ARHGAP28: variants seen among roughly 807,000 people sequenced by gnomAD.
ARHGAP28 encodes Rho GTPase activating protein 28.
In ARHGAP28, 56 loss-of-function variants were observed where a neutral mutation model predicts 90.7. The observed-to-expected ratio is 0.62, with a 90% CI of 0.50 to 0.77. The LOEUF (loss-of-function observed/expected upper bound fraction) is 0.77, where lower values mean the gene tolerates loss of function less well. ARHGAP28 is among the 30% of genes least tolerant of loss of function. The pLI is 0.00. For synonymous variants in ARHGAP28, 308 were observed against 323.3 expected (o/e 0.95, Z 0.51); for missense variants, 869 against 900.9 (o/e 0.96, Z 0.45).
chr18:6,909,976 G>A (rs958967104), intron 17 of ARHGAP28, among the ~76,000 whole-genome samples: 2 of 152,024 alleles, frequency 1.3e-5, no homozygotes, highest in Non-Finnish European at 2.9e-5. Flanking sequence ...CCCCCTTTAA[G>A]TCTACTCCCA....
intron 1 of ARHGAP28, among the ~76,000 whole-genome samples, chr18:6,818,625 A>G (rs931694473): frequency 1.3e-5 from 2 of 152,190 alleles, no homozygotes; most frequent in Non-Finnish European, 2.9e-5. Context: ...ATGCTACATT[A>G]GAGTGGCCTG....
At chr18:6,756,100 T>C (rs566874825) in intron 1 of ARHGAP28, among the ~76,000 whole-genome samples, 15 of 152,342 alleles carry the variant, frequency 9.8e-5, no homozygotes, top group Non-Finnish European at 7.3e-5. Flanking sequence ...CCACAGTGGC[T>C]GTTTCCTCCC....
At chr18:6,880,605 C>T (rs959947729) in intron 10 of ARHGAP28, among the ~76,000 whole-genome samples, 1 of 152,186 alleles carries the variant, frequency 6.6e-6, no homozygotes, top group African/African-American at 2.4e-5. Flanking sequence ...TGTTCCTTGC[C>T]CTAGATGCGC....
At chr18:6,851,236 C>A in intron 4 of ARHGAP28, 110 bp downstream of exon 4, 1 of 941,346 alleles carries the variant, frequency 1.1e-6, no homozygotes, top group Non-Finnish European at 1.6e-6. Context: ...GCTGGACAAC[C>A]ACAGATTTCA....
Position 6,791,959 on chromosome 18 carries a change from C to T in ARHGAP28, c.123-32803C>T, listed in dbSNP as rs113217514. 1.7e-3 allele frequency among the ~76,000 whole-genome samples: 258 copies of T among 151,994 alleles called. 1 individual carries two copies. The highest frequency in any genetic ancestry group is 6.0e-3 in the African/African-American group (247 of 41,436). On this transcript the variant is annotated intron_variant, in intron 1 of 17. Transcript: ENST00000383472. ...GATTACAGGCACCCACCACCATGCCCGGCTAATTTTTGTATTTTTAGTAGA... is the reference window on the plus strand; with the variant it reads ...GATTACAGGCACCCACCACCATGCCTGGCTAATTTTTGTATTTTTAGTAGA...
At chr18:6,853,541 C>T (rs983724593) in intron 4 of ARHGAP28, among the ~76,000 whole-genome samples, 9 of 151,202 alleles carry the variant, frequency 6.0e-5, no homozygotes, top group East Asian at 3.9e-4. Flanking sequence ...GACGTGATCT[C>T]GGCTAACTGC....
chr18:6,873,815 C>T (rs2057109420), intron 9 of ARHGAP28, 40 bp downstream of exon 9: 1 of 1,538,298 alleles, frequency 6.5e-7, no homozygotes, highest in African/African-American at 1.4e-5. Context: ...CACAGAGCCT[C>T]ATGCTTATGA....
At chr18:6,845,479 G>C (rs1256128226) in intron 3 of ARHGAP28, among the ~76,000 whole-genome samples, 1 of 152,128 alleles carries the variant, frequency 6.6e-6, no homozygotes, top group East Asian at 1.9e-4. Context: ...TGTTACCTAG[G>C]TAAACATGTG....
intron 11 of ARHGAP28, among the ~76,000 whole-genome samples, chr18:6,882,884 A>G (rs770117153): frequency 2.6e-5 from 4 of 152,232 alleles, no homozygotes; most frequent in East Asian, 3.8e-4. Flanking sequence ...CACAAAAATT[A>G]TAAAGTGTGT....
rs1256842097 is a variant in ARHGAP28 at position 6,770,205 on chromosome 18, A to G, written c.122+40262A>G. Among the ~76,000 whole-genome samples, 3 of 152,138 alleles carry G rather than the reference A, an allele frequency of 2.0e-5. No individual in the cohort carries two copies. The South Asian group carries it at 6.2e-4, about 32-fold the overall frequency. On this transcript the variant is annotated intron_variant, in intron 1 of 17. Coordinates refer to ENST00000383472, the MANE Select transcript of ARHGAP28 (RefSeq NM_001366230.1). ...GACATAAATGATCTTCTCTTACAAG[A>G]CTGATTTTTGTGTTTTCTGTAGCAT...
chr18:6,862,139 G>A (rs1272692468), intron 5 of ARHGAP28, among the ~76,000 whole-genome samples: 1 of 152,154 alleles, frequency 6.6e-6, no homozygotes, highest in Non-Finnish European at 1.5e-5. Flanking sequence ...GTGGCTCACT[G>A]ATGCCAAGTT....
intron 1 of ARHGAP28, among the ~76,000 whole-genome samples, chr18:6,736,759 C>CA (rs2055932150): frequency 7.6e-6 from 1 of 131,270 alleles, no homozygotes. Flanking sequence ...AAAAAAAAAA[C>CA]AAAAAACAGA....
Position 6,829,666 on chromosome 18 carries a change from C to T in ARHGAP28, c.325+4702C>T, listed in dbSNP as rs372279097. Reference sequence around the variant, plus strand: ...TGCTTTTTCCCAGTCTCATGCCTCCCAATGACTTGCCAACCCTGGCCAGAG... The same window carrying T: ...TGCTTTTTCCCAGTCTCATGCCTCCTAATGACTTGCCAACCCTGGCCAGAG... On this transcript the variant is annotated intron_variant, in intron 2 of 17. Coordinates refer to ENST00000383472, the MANE Select transcript of ARHGAP28 (RefSeq NM_001366230.1). 1.2e-4 allele frequency among the ~76,000 whole-genome samples: 18 copies of T among 152,366 alleles called. No homozygotes were observed. The East Asian group carries it at 2.7e-3, about 23-fold the overall frequency.
chr18:6,760,080 T>C (rs2056146207), intron 1 of ARHGAP28, among the ~76,000 whole-genome samples: 1 of 152,212 alleles, frequency 6.6e-6, no homozygotes, highest in African/African-American at 2.4e-5. Context: ...CATGGAATTA[T>C]ATCCTAACTA....
chr18:6,841,194 T>C (rs1419601821), intron 3 of ARHGAP28, among the ~76,000 whole-genome samples: 1 of 64,190 alleles, frequency 1.6e-5, no homozygotes. Context: ...TCTCTCTCTC[T>C]CTCTCTCTCC....
At chr18:6,870,843 C>CT (rs2057079495) in intron 7 of ARHGAP28, 111 bp downstream of exon 7, 3 of 1,201,730 alleles carry the variant, frequency 2.5e-6, no homozygotes, top group Non-Finnish European at 3.4e-6. Context: ...TCTATTGCCC[C>CT]AGGCTGGAGT....
intron 1 of ARHGAP28, among the ~76,000 whole-genome samples, chr18:6,762,354 AGGCTTTACAT>A (rs1399419171): frequency 6.6e-6 from 1 of 152,212 alleles, no homozygotes; most frequent in African/African-American, 2.4e-5. Context: ...CCACCTTATA[AGGCTTTACAT>A]GGCCTGGTTT....
intron 3 of ARHGAP28, chr18:6,850,685 A>C: frequency 5.3e-6 from 4 of 756,774 alleles, no homozygotes; most frequent in Non-Finnish European, 8.2e-6. Flanking sequence ...ATCTTACTGG[A>C]TGGAACCATC....
At chr18:6,864,220 C>A (rs976826343) in intron 5 of ARHGAP28, among the ~76,000 whole-genome samples, 11 of 152,076 alleles carry the variant, frequency 7.2e-5, no homozygotes, top group African/African-American at 2.7e-4. Context: ...CGCACACCAC[C>A]ATGCCTGGCT....
Sources: allele counts gnomAD v4.1 joint callset (sites outside exome capture counted in the v4.1 genomes callset), GRCh38; gene constraint gnomAD v4.1.1; transcripts MANE v1.5; gene names NCBI Gene and HGNC (gene_info 2026-07-23, HGNC 2026-07-21).